NCAM1: variants seen among roughly 807,000 people sequenced by gnomAD.
The protein encoded by NCAM1 is antigen recognized by monoclonal antibody 5.1H11.
Under a neutral mutation model 109.8 loss-of-function variants are expected in NCAM1, and 14 were observed. The observed-to-expected ratio is 0.13, with a 90% CI of 0.08 to 0.20. The LOEUF (loss-of-function observed/expected upper bound fraction) is 0.20. Among genes scored for constraint, NCAM1 ranks in the 10% least tolerant of loss-of-function variants. The pLI, the probability that NCAM1 is intolerant of heterozygous loss-of-function variation, is 1.00. For missense variants in NCAM1, 774 were observed against 1,109.9 expected (o/e 0.70, Z 4.30); for synonymous variants, 418 against 442.9 (o/e 0.94, Z 0.70).
At chr11:113,057,842 A>T (rs1450780544) in intron 1 of NCAM1, among the ~76,000 whole-genome samples, 1 of 152,248 alleles carries the variant, frequency 6.6e-6, no homozygotes, top group Non-Finnish European at 1.5e-5. Context: ...TCCAAGGTGA[A>T]GATTGCTGTT....
chr11:113,106,960 G>A (rs1471109034), intron 1 of NCAM1, among the ~76,000 whole-genome samples: 2 of 152,142 alleles, frequency 1.3e-5, no homozygotes, highest in African/African-American at 2.4e-5. Context: ...TCTAAGTGAT[G>A]GAATTGGAAT....
intron 16 of NCAM1, among the ~76,000 whole-genome samples, chr11:113,256,808 G>C (rs1182665306): frequency 6.6e-6 from 1 of 152,220 alleles, no homozygotes; most frequent in Non-Finnish European, 1.5e-5. Flanking sequence ...ATGGCTGAGA[G>C]ATTTAGAGGC....
At chr11:113,192,404 G>A (rs1943708155) in intron 1 of NCAM1, among the ~76,000 whole-genome samples, 1 of 106,014 alleles carries the variant, frequency 9.4e-6, no homozygotes, top group Middle Eastern at 4.3e-3. Flanking sequence ...GGTCTGCTTA[G>A]ACAAGGGAAA....
intron 1 of NCAM1, among the ~76,000 whole-genome samples, chr11:113,145,132 A>G (rs1335417900): frequency 6.6e-6 from 1 of 152,240 alleles, no homozygotes; most frequent in Non-Finnish European, 1.5e-5. Context: ...GAAAAGATTG[A>G]CACTCATTCA....
chr11:112,971,622 C>G, intron 1 of NCAM1, among the ~76,000 whole-genome samples: 1 of 152,136 alleles, frequency 6.6e-6, no homozygotes, highest in East Asian at 1.9e-4. Context: ...GCCTCAGCCT[C>G]CTGAGTTGCT....
In NCAM1 at chr11:113,210,587, C is replaced by T. The variant is rs115181898; in HGVS notation, c.916+2585C>T. Among the ~76,000 whole-genome samples the T allele has an allele frequency of 2.3e-3, 357 of 152,180 alleles. 1 individual carries two copies. Among genetic ancestry groups the T allele is most frequent in the African/African-American group, 8.0e-3 (333 of 41,520 alleles). Reference sequence around the variant, plus strand: ...GACTTGGCTGGGCATGAACAGATCTCGGCTTCTCTTCCAGACCTCTCTGGT... The same window carrying T: ...GACTTGGCTGGGCATGAACAGATCTTGGCTTCTCTTCCAGACCTCTCTGGT... On this transcript the variant is annotated intron_variant, in intron 7 of 19. Transcript: ENST00000316851.
chr11:113,101,204 T>C (rs1312968771), intron 1 of NCAM1, among the ~76,000 whole-genome samples: 4 of 152,198 alleles, frequency 2.6e-5, no homozygotes, highest in African/African-American at 9.7e-5. Flanking sequence ...TGTACTCACT[T>C]ACTTTCAGTG....
At chr11:113,130,525 A>G (rs1941346489) in intron 1 of NCAM1, among the ~76,000 whole-genome samples, 1 of 152,238 alleles carries the variant, frequency 6.6e-6, no homozygotes, top group African/African-American at 2.4e-5. Flanking sequence ...GTGTTGGCAA[A>G]TTAGGTGAGT....
At chr11:112,990,259 G>C (rs2155283) in intron 1 of NCAM1, among the ~76,000 whole-genome samples, 18,490 of 152,126 alleles carry the variant, frequency 0.12, 1,224 homozygotes, top group East Asian at 0.32. Context: ...CTTCCCACTG[G>C]GTCACTGGTT....
intron 1 of NCAM1, among the ~76,000 whole-genome samples, chr11:113,194,863 A>C (rs1215702495): frequency 6.6e-6 from 1 of 152,206 alleles, no homozygotes; most frequent in Non-Finnish European, 1.5e-5. Context: ...TTATAAACTT[A>C]GTTGATTTGG....
chr11:113,072,942 A>G (rs1249401125), intron 1 of NCAM1, among the ~76,000 whole-genome samples: 2 of 151,976 alleles, frequency 1.3e-5, no homozygotes, highest in African/African-American at 4.8e-5. Context: ...TACAACTCCC[A>G]TCACTACCAT....
chr11:113,252,397 C>A (rs1215478340), intron 15 of NCAM1, among the ~76,000 whole-genome samples: 3 of 142,264 alleles, frequency 2.1e-5, no homozygotes, highest in African/African-American at 8.2e-5. Context: ...CAGAGCAAGA[C>A]CCTGTCTCAA....
Position 113,235,041 on chromosome 11 carries a change from G to A in NCAM1, c.1702G>A (p.Glu568Lys), listed in dbSNP as rs978325237. The A allele has an allele frequency of 1.3e-6, 2 of 1,557,958 alleles. No individual in the cohort carries two copies. Among genetic ancestry groups the A allele is most frequent in the African/African-American group, 2.7e-5 (2 of 73,262 alleles). The change falls in exon 14 of 20, where the codon GAG becomes AAG. Residue 568 changes from glutamate (E) to lysine (K), a missense_variant. Coordinates refer to ENST00000316851, the MANE Select transcript of NCAM1 (RefSeq NM_181351.5). The part of the protein sequence containing the change: ...KWYDAKEASM[E>K]GIVTIVGLKP... ...TTCCCATATTATAACAGCCAGCATG[G>A]AGGGCATCGTCACCATCGTGGGCCT...
chr11:113,277,459 A>G lies in NCAM1; in HGVS notation c.*2072A>G, dbSNP rs1946420043. On this transcript the variant is annotated 3_prime_UTR_variant, in exon 20 of 20. Coordinates refer to ENST00000316851, the MANE Select transcript of NCAM1 (RefSeq NM_181351.5). ...GCACAGGCCCTCAGAATAGAGGAAC[A>G]TGAAGAGAGATCTTAGAGCACACAG... 2.5e-6 allele frequency: 1 copy of G among 399,058 alleles called. No homozygotes were observed. The highest frequency in any genetic ancestry group is 4.4e-6 in the Non-Finnish European group (1 of 226,092). The allele number at this position is 399,058 out of a possible 1,614,324, so 24.7% of individuals were successfully genotyped here. A position where few individuals can be genotyped will look rare whatever the true frequency, so the allele number is the denominator to read the frequency against.
rs544440736 is a variant in NCAM1, at chr11:113,273,461, G to A, written c.2456+1585G>A. 3.3e-5 allele frequency: 11 copies of A among 333,472 alleles called. No individual in the cohort carries two copies. The highest frequency in any genetic ancestry group is 6.0e-5 in the Non-Finnish European group (10 of 166,646). The allele number at this position is 333,472 out of a possible 1,614,324, so 20.7% of individuals were successfully genotyped here. A position where few individuals can be genotyped will look rare whatever the true frequency, so the allele number is the denominator to read the frequency against. On this transcript the variant is annotated intron_variant, in intron 19 of 19. Coordinates refer to ENST00000316851, the MANE Select transcript of NCAM1 (RefSeq NM_181351.5). The surrounding 1 kb of genome is among the most constrained non-coding windows in gnomAD (Gnocchi z 6.0). ...AGGAGGCTCCCAGCACCAAAGGCCC[G>A]GACCCGGAGCCCACCCAGCCCGGAG...
chr11:113,044,785 G>T (rs192579032), intron 1 of NCAM1, among the ~76,000 whole-genome samples: 169 of 151,946 alleles, frequency 1.1e-3, no homozygotes, highest in Admixed American at 2.5e-3. Context: ...ACGGAGTCTC[G>T]CTCTGTCGCC....
intron 8 of NCAM1, among the ~76,000 whole-genome samples, chr11:113,218,583 G>A (rs942350420): frequency 6.6e-6 from 1 of 152,146 alleles, no homozygotes; most frequent in Non-Finnish European, 1.5e-5. Context: ...GGGGAGATAA[G>A]CAAAAACAAG....
chr11:113,248,649 A>G (rs1161705046), intron 15 of NCAM1, among the ~76,000 whole-genome samples: 10 of 152,204 alleles, frequency 6.6e-5, no homozygotes, highest in Non-Finnish European at 1.5e-5. Flanking sequence ...CCTCAAAAAA[A>G]GAAAACTGCC....
At chr11:113,153,074 G>A (rs1376196376) in intron 1 of NCAM1, among the ~76,000 whole-genome samples, 2 of 150,070 alleles carry the variant, frequency 1.3e-5, no homozygotes, top group Non-Finnish European at 3.0e-5. Flanking sequence ...ACAGAATCTC[G>A]CTCTGTCACC....
Sources: gnomAD v4.1 joint callset for allele counts (sites outside exome capture counted in the v4.1 genomes callset) on GRCh38, gnomAD v4.1.1 for gene constraint, Gnocchi (gnomAD v3.1) non-coding constraint, MANE v1.5 for transcripts, NCBI Gene and HGNC (gene_info 2026-07-23, HGNC 2026-07-21) for gene names.